The following DDX39A variants were observed in gnomAD, a reference collection of about 807,000 sequenced individuals.
DDX39A encodes the protein ATP-dependent RNA helicase DDX39A.
A neutral mutation model predicts 46.3 loss-of-function variants in DDX39A; 13 were observed. The ratio of observed to expected loss-of-function variants is 0.28; its 90% CI spans 0.18 to 0.45. The LOEUF (loss-of-function observed/expected upper bound fraction) is 0.45, where lower values mean the gene tolerates loss of function less well. Among genes scored for constraint, DDX39A ranks in the 20% least tolerant of loss-of-function variants. The pLI is 1.00. For missense variants in DDX39A, 352 were observed against 581.8 expected, an observed-to-expected ratio of 0.61 and a Z score of 4.06; for synonymous variants, 234 against 224.6, an observed-to-expected ratio of 1.04 and a Z score of -0.38.
In DDX39A at chr19:14,412,630, C is replaced by T; in HGVS notation, c.257G>A (p.Cys86Tyr). Residue 86 changes from cysteine (C) to tyrosine (Y), a missense_variant, in exon 3 of 11, where the codon TGC becomes TAC. By Grantham distance (194) the Cys-to-Tyr change is radical. Around this residue, in one of 3 missense-constraint regions of DDX39A, gnomAD observed 5 missense variants for 33.7 expected, o/e 0.15. Transcript: ENST00000242776. The surrounding 1 kb of genome is among the most constrained non-coding windows in gnomAD (Gnocchi z 4.4). ...CTTGCCCATCCCGGACTTGGCCTGGCACAGGACGTCCATGCCCAGGATGGC... is the reference window on the plus strand; with the variant it reads ...CTTGCCCATCCCGGACTTGGCCTGGTACAGGACGTCCATGCCCAGGATGGC... ...PQAILGMDVLCQAKSGMGKTA... is the reference protein window; with the variant it reads ...PQAILGMDVLYQAKSGMGKTA... 3 of 1,610,344 alleles carry T rather than the reference C, an allele frequency of 1.9e-6. No individual in the cohort carries two copies. Among genetic ancestry groups the T allele is most frequent in the Non-Finnish European group, 2.5e-6 (3 of 1,179,998 alleles).
At position 14,410,806 on chromosome 19, in the gene DDX39A, G is replaced by A; in HGVS notation, c.613+183C>T. The A allele has an allele frequency of 3.4e-6, 2 of 587,508 alleles. No homozygotes were observed. Among genetic ancestry groups the A allele is most frequent in the South Asian group, 4.8e-5 (2 of 41,280 alleles). The allele number at this position is 587,508 out of a possible 1,614,324, so 36.4% of individuals were successfully genotyped here. ...GGACGGGGGCTTGCTTGGGCCCCGT[G>A]GTCCCATTCGGCTCGGGCTCAGAAA... On this transcript the variant is annotated intron_variant, in intron 5 of 10. Coordinates refer to ENST00000242776, the MANE Select transcript of DDX39A (RefSeq NM_005804.4). The surrounding 1 kb of genome is among the most constrained non-coding windows in gnomAD (Gnocchi z 4.3).
chr19:14,413,250 C>T (rs536874648), intron 1 of DDX39A, 26 bp from the exon 2 acceptor site: 20 of 1,595,340 alleles, frequency 1.3e-5, no homozygotes, highest in African/African-American at 1.1e-4. Context: ...GGCAGGGTCC[C>T]GCGAGTGGGC....
rs776325434 is a variant in DDX39A, at chr19:14,409,659, T to C, written c.865-14A>G. 1 of 1,607,712 alleles carries C rather than the reference T, an allele frequency of 6.2e-7. No homozygotes were observed. Among genetic ancestry groups the C allele is most frequent in the Admixed American group, 1.7e-5 (1 of 59,818 alleles). On this transcript the variant is annotated splice_polypyrimidine_tract_variant and intron_variant, in intron 7 of 10. Transcript: ENST00000242776. This position sits in a 1 kb window ranked among gnomAD's most constrained non-coding sequence, Gnocchi z 8.3. ...GAAGATTATCACCTGAGGGAAGGAG[T>C]GGCAGTCAGGGCCACACAGTCCCTG... is the stretch of plus-strand genomic sequence containing the variant.
At chr19:14,418,998 T>G in intron 1 of DDX39A, 1 of 456,066 alleles carries the variant, frequency 2.2e-6, no homozygotes, top group South Asian at 1.5e-5. Context: ...AGACTCCAAG[T>G]GGGGCTCGGA....
chr19:14,416,900 C>G (rs58174614), intron 1 of DDX39A, among the ~76,000 whole-genome samples: 6,630 of 152,186 alleles, frequency 0.044, 495 homozygotes, highest in African/African-American at 0.15. Flanking sequence ...CCAGGCTGGT[C>G]GTGAACTCCT....
Position 14,411,020 on chromosome 19 carries a change from C to T in DDX39A, c.582G>A (p.Leu194=). 1.9e-6 allele frequency: 3 copies of T among 1,601,628 alleles called. No individual in the cohort carries two copies. The highest frequency in any genetic ancestry group is 2.2e-5 in the South Asian group (2 of 89,746). Residue 194 remains leucine, a synonymous_variant, in exon 5 of 11, where the codon CTG becomes CTA. Coordinates refer to ENST00000242776, the MANE Select transcript of DDX39A (RefSeq NM_005804.4). This position sits in a 1 kb window ranked among gnomAD's most constrained non-coding sequence, Gnocchi z 4.1. ...GCTCCAGCATCTTGTCACACTCGTC[C>T]AGCACAAAGTGCTTCACATTCTTTA... ...FSLKNVKHFV[L]DECDKMLEQL...
chr19:14,411,116 C>T lies in DDX39A; in HGVS notation c.486G>A (p.Lys162=), dbSNP rs749323166. ...SIKKDEEVLK[K]NCPHVVVGTP... ...TCCCCACCACGACATGGGGACAGTT[C>T]TTCTTCAACACTTCTTCATCCTTCT... is the stretch of plus-strand genomic sequence containing the variant. The change falls in exon 5 of 11, where the codon AAG becomes AAA. Residue 162 remains lysine (K), a synonymous_variant. Coordinates refer to ENST00000242776, the MANE Select transcript of DDX39A (RefSeq NM_005804.4). The surrounding 1 kb of genome is among the most constrained non-coding windows in gnomAD (Gnocchi z 4.1). 13 of 1,610,032 alleles carry T rather than the reference C, an allele frequency of 8.1e-6. No individual in the cohort carries two copies. In the East Asian group the frequency reaches 2.9e-4, roughly 36 times the overall value.
intron 1 of DDX39A, among the ~76,000 whole-genome samples, chr19:14,417,783 T>C (rs2146396256): frequency 6.6e-6 from 1 of 152,274 alleles, no homozygotes; most frequent in South Asian, 2.1e-4. Flanking sequence ...GAGGATCGCT[T>C]GAGCCAGGAG....
chr19:14,410,850 G>A lies in DDX39A; in HGVS notation c.613+139C>T, dbSNP rs1976557606. ...TCAGAAACAGCACATCCCTCTGCCA[G>A]CAGCAGAGCTTTCCCCAAGATCACC... On this transcript the variant is annotated intron_variant, in intron 5 of 10. Coordinates refer to ENST00000242776, the MANE Select transcript of DDX39A (RefSeq NM_005804.4). This position sits in a 1 kb window ranked among gnomAD's most constrained non-coding sequence, Gnocchi z 4.3. 7 of 791,778 alleles carry A rather than the reference G, an allele frequency of 8.8e-6. No homozygotes were observed. Among genetic ancestry groups the A allele is most frequent in the African/African-American group, 8.8e-5 (5 of 57,100 alleles). 49.0% of individuals were successfully genotyped at this position (791,778 alleles called of 1,614,324 possible).
At chr19:14,419,134 A>C (rs1186332928) in intron 1 of DDX39A, 136 bp downstream of exon 1, 1 of 364,602 alleles carries the variant, frequency 2.7e-6, no homozygotes, top group Non-Finnish European at 5.4e-6. Context: ...GCGCTCTGAC[A>C]CACCAACCGC....
Position 14,409,274 on chromosome 19 carries a change from G to T in DDX39A, c.1119+29C>A, listed in dbSNP as rs1976449311. Reference sequence around the variant, plus strand: ...CTGGGGCCCCACCCCACCGCCAGGGGAAAGCAACATGCCCGTGAGGCTGCT... The same window carrying T: ...CTGGGGCCCCACCCCACCGCCAGGGTAAAGCAACATGCCCGTGAGGCTGCT... On this transcript the variant is annotated intron_variant, in intron 9 of 10. Transcript: ENST00000242776. The surrounding 1 kb of genome is among the most constrained non-coding windows in gnomAD (Gnocchi z 8.3). 5 of 1,613,636 alleles carry T rather than the reference G, an allele frequency of 3.1e-6. No homozygotes were observed. The highest frequency in any genetic ancestry group is 4.2e-6 in the Non-Finnish European group (5 of 1,179,654).
chr19:14,408,823 A>G lies in DDX39A; in HGVS notation c.*113T>C. ...TAGATGGGGTGGGAGCCAGGCTTCC[A>G]TAATAACAAGTTTATTCTCATACAA... On this transcript the variant is annotated 3_prime_UTR_variant, in exon 11 of 11. Transcript: ENST00000242776. The G allele has an allele frequency of 6.9e-7, 1 of 1,446,804 alleles. No homozygotes were observed. Among genetic ancestry groups the G allele is most frequent in the Non-Finnish European group, 9.2e-7 (1 of 1,087,310 alleles). The allele number at this position is 1,446,804 out of a possible 1,614,324, so 89.6% of individuals were successfully genotyped here.
chr19:14,417,808 T>A (rs1976872810), intron 1 of DDX39A, among the ~76,000 whole-genome samples: 1 of 152,032 alleles, frequency 6.6e-6, no homozygotes, highest in Non-Finnish European at 1.5e-5. Flanking sequence ...AGGCTGCCAG[T>A]GATGGCGCCA....
At chr19:14,414,441 C>T (rs1189584898) in intron 1 of DDX39A, among the ~76,000 whole-genome samples, 1 of 149,640 alleles carries the variant, frequency 6.7e-6, no homozygotes, top group African/African-American at 2.4e-5. Context: ...CAACCTCCAC[C>T]TCCAGGGTTC....
In DDX39A at chr19:14,411,462, A is replaced by G. The variant is rs1018045258; in HGVS notation, c.429+44T>C. 7.0e-6 allele frequency: 11 copies of G among 1,563,520 alleles called. No homozygotes were observed. The highest frequency in any genetic ancestry group is 7.9e-6 in the Non-Finnish European group (9 of 1,134,998). Reference sequence around the variant, plus strand: ...CCAGAGCCGAGGCTAACAAAGCTGCAGAAACCAAGTGGCGCCTGGTCCAGT... The same window carrying G: ...CCAGAGCCGAGGCTAACAAAGCTGCGGAAACCAAGTGGCGCCTGGTCCAGT... On this transcript the variant is annotated intron_variant, in intron 4 of 10. Coordinates refer to ENST00000242776, the MANE Select transcript of DDX39A (RefSeq NM_005804.4). This position sits in a 1 kb window ranked among gnomAD's most constrained non-coding sequence, Gnocchi z 4.1.
At position 14,412,946 on chromosome 19, in the gene DDX39A, TG is replaced by T; in HGVS notation, c.208+66del. 1 of 1,542,340 alleles carries T rather than the reference TG, an allele frequency of 6.5e-7. No homozygotes were observed. The highest frequency in any genetic ancestry group is 8.8e-7 in the Non-Finnish European group (1 of 1,134,590). On this transcript the variant is annotated intron_variant, in intron 2 of 10. Transcript: ENST00000242776. The surrounding 1 kb of genome is among the most constrained non-coding windows in gnomAD (Gnocchi z 4.4). The stretch of plus-strand genomic sequence containing the variant: ...CGGCAAACTGGAGGCGGCACCGCTC[TG>T]GGCGGGCAGGGCTGGTCTTGTCTTG...
rs1976603052 is a variant in DDX39A at position 14,411,838 on chromosome 19, G to A, written c.337-240C>T. 6.6e-6 allele frequency among the ~76,000 whole-genome samples: 1 copy of A among 152,010 alleles called. No individual in the cohort carries two copies. ...GACCCACAATAAGAAACAGAAAATG[G>A]AACAGAAAATGGCCCGCATAATGTA... is the stretch of plus-strand genomic sequence containing the variant. On this transcript the variant is annotated intron_variant, in intron 3 of 10. Transcript: ENST00000242776. The surrounding 1 kb of genome is among the most constrained non-coding windows in gnomAD (Gnocchi z 4.1).
In DDX39A at chr19:14,412,508, C is replaced by A; in HGVS notation, c.336+43G>T. 6.3e-7 allele frequency: 1 copy of A among 1,587,204 alleles called. No homozygotes were observed. Reference sequence around the variant, plus strand: ...CCCATCCAGCCTACTCTACTTCCGCCGCCACAGGCAGGGTGGGGCCAGGAA... The same window carrying A: ...CCCATCCAGCCTACTCTACTTCCGCAGCCACAGGCAGGGTGGGGCCAGGAA... On this transcript the variant is annotated intron_variant, in intron 3 of 10. Transcript: ENST00000242776. This position sits in a 1 kb window ranked among gnomAD's most constrained non-coding sequence, Gnocchi z 4.4.
chr19:14,413,662 C>T (rs1976684736), intron 1 of DDX39A, among the ~76,000 whole-genome samples: 1 of 152,250 alleles, frequency 6.6e-6, no homozygotes, highest in African/African-American at 2.4e-5. Context: ...TCCTTCTCCA[C>T]ACGCAAGCCT....
Sources: allele counts gnomAD v4.1 joint callset (sites outside exome capture counted in the v4.1 genomes callset), GRCh38; gene constraint gnomAD v4.1.1; regional missense constraint gnomAD v4.1.1; non-coding constraint Gnocchi (gnomAD v3.1); transcripts MANE v1.5; gene names NCBI Gene and HGNC (gene_info 2026-07-23, HGNC 2026-07-21).